CSMD3: variants seen among roughly 807,000 people sequenced by gnomAD.
CSMD3 encodes CUB and Sushi multiple domains 3.
In CSMD3, 177 loss-of-function variants were observed where a neutral mutation model predicts 435.2. The ratio of observed to expected loss-of-function variants is 0.41; its 90% CI spans 0.36 to 0.46. The LOEUF (loss-of-function observed/expected upper bound fraction) is 0.46. CSMD3 is among the 20% of genes least tolerant of loss of function. CSMD3 has a pLI of 0.34. For synonymous variants in CSMD3, 1,656 were observed against 1,520.5 expected, an observed-to-expected ratio of 1.09 and a Z score of -2.07; for missense variants, 4,265 against 4,504.6, an observed-to-expected ratio of 0.95 and a Z score of 1.52.
At chr8:112,705,200 T>A (rs992622871) in intron 13 of CSMD3, among the ~76,000 whole-genome samples, 1 of 152,042 alleles carries the variant, frequency 6.6e-6, no homozygotes, top group African/African-American at 2.4e-5. Flanking sequence ...CTCTTCTCTT[T>A]TACCTAAAAA....
intron 8 of CSMD3, among the ~76,000 whole-genome samples, chr8:112,952,949 AATAATAT>A (rs2083878938): frequency 6.6e-6 from 1 of 151,426 alleles, no homozygotes; most frequent in Non-Finnish European, 1.5e-5. Flanking sequence ...GAAAAGTGGA[AATAATAT>A]ATATTTCCAC....
chr8:112,429,076 T>C (rs755991701), intron 32 of CSMD3, among the ~76,000 whole-genome samples: 10 of 152,122 alleles, frequency 6.6e-5, no homozygotes, highest in Non-Finnish European at 1.2e-4. Flanking sequence ...CTCAGAATTT[T>C]TTCAAGAATC....
chr8:113,301,868 A>G (rs2093771272), intron 2 of CSMD3, among the ~76,000 whole-genome samples: 1 of 151,996 alleles, frequency 6.6e-6, no homozygotes, highest in Non-Finnish European at 1.5e-5. Flanking sequence ...TATCCTTCAG[A>G]TGTATGTCAC....
At chr8:112,733,691 T>C (rs549431737) in intron 13 of CSMD3, among the ~76,000 whole-genome samples, 9 of 152,136 alleles carry the variant, frequency 5.9e-5, no homozygotes, top group East Asian at 1.9e-4. Context: ...TTAGTCAATA[T>C]GATAATGCAA....
chr8:112,313,953 G>T lies in CSMD3; in HGVS notation c.7649C>A (p.Ser2550Ter). 1 of 1,611,932 alleles carries T rather than the reference G, an allele frequency of 6.2e-7. No homozygotes were observed. The highest frequency in any genetic ancestry group is 1.1e-5 in the South Asian group (1 of 91,020). The change falls in exon 49 of 71, where the codon TCA becomes TAA. Residue 2550 changes from serine to a stop codon, truncating the protein, a stop_gained. Transcript: ENST00000297405. LOFTEE classifies it high-confidence loss of function. Reference sequence around the variant, plus strand: ...TTTTTTGTTATTGCCATGATCTGCTGACCACTGAAGAAATACTTCATGACC... The same window carrying T: ...TTTTTTGTTATTGCCATGATCTGCTTACCACTGAAGAAATACTTCATGACC... Reference protein sequence around the residue: ...SNGHEVFLQWSADHGNNKKGF... With the variant: ...SNGHEVFLQW
chr8:112,536,918 A>G (rs1288877535), intron 27 of CSMD3, among the ~76,000 whole-genome samples: 1 of 151,964 alleles, frequency 6.6e-6, no homozygotes, highest in African/African-American at 2.4e-5. Context: ...CTATTGCAAG[A>G]ACAAAAAACC....
At chr8:112,944,267 T>C (rs1023413063) in intron 9 of CSMD3, among the ~76,000 whole-genome samples, 7 of 151,704 alleles carry the variant, frequency 4.6e-5, no homozygotes, top group African/African-American at 1.7e-4. Context: ...TCACAAAATA[T>C]GTAGGCCTAG....
intron 22 of CSMD3, among the ~76,000 whole-genome samples, chr8:112,594,633 A>G (rs1056336710): frequency 6.6e-6 from 1 of 152,180 alleles, no homozygotes; most frequent in African/African-American, 2.4e-5. Context: ...CTTTGAAGAG[A>G]GTAGTGGTTC....
At chr8:112,808,903 C>T (rs1482992366) in intron 12 of CSMD3, among the ~76,000 whole-genome samples, 1 of 152,004 alleles carries the variant, frequency 6.6e-6, no homozygotes, top group Non-Finnish European at 1.5e-5. Flanking sequence ...TCGGTTACAA[C>T]ATTATTATCA....
chr8:112,794,285 C>CTTTTTTTTTTTTTT lies in CSMD3; in HGVS notation c.1972+5863_1972+5876dup, dbSNP rs1203991072. On this transcript the variant is annotated intron_variant, in intron 13 of 70. Transcript: ENST00000297405. ...TTGCCCCAGATGCTGGACTGATAAA[C>CTTTTTTTTTTTTTT]TTTTTTTTTTTTTTTTTTTTTTTTT... Among the ~76,000 whole-genome samples the CTTTTTTTTTTTTTT allele has an allele frequency of 4.2e-5, 4 of 96,302 alleles. 1 individual carries two copies. The highest frequency in any genetic ancestry group is 7.8e-5 in the African/African-American group (2 of 25,776). 63.2% of individuals were successfully genotyped at this position (96,302 alleles called of 152,430 possible).
At chr8:112,590,609 T>G (rs1396631839) in intron 22 of CSMD3, among the ~76,000 whole-genome samples, 1 of 152,042 alleles carries the variant, frequency 6.6e-6, no homozygotes, top group Admixed American at 6.6e-5. Flanking sequence ...AATGGAGAAG[T>G]CATTAGGTGT....
chr8:112,924,013 G>A (rs931924995), intron 9 of CSMD3, among the ~76,000 whole-genome samples: 30 of 143,148 alleles, frequency 2.1e-4, no homozygotes, highest in African/African-American at 7.3e-4. Flanking sequence ...AATGTGATTG[G>A]AGCACAGAAA....
chr8:112,494,646 C>G (rs1428462579), intron 30 of CSMD3, among the ~76,000 whole-genome samples: 1 of 151,540 alleles, frequency 6.6e-6, no homozygotes, highest in Non-Finnish European at 1.5e-5. Flanking sequence ...AGTGGACAAT[C>G]AGAAAATGTT....
At chr8:113,158,373 A>G (rs1278059343) in intron 4 of CSMD3, among the ~76,000 whole-genome samples, 1 of 152,106 alleles carries the variant, frequency 6.6e-6, no homozygotes, top group African/African-American at 2.4e-5. Context: ...TTCATGAAGT[A>G]CATGTATCAT....
chr8:113,166,350 C>T (rs767942057), intron 4 of CSMD3, among the ~76,000 whole-genome samples: 1 of 151,936 alleles, frequency 6.6e-6, no homozygotes, highest in Non-Finnish European at 1.5e-5. Context: ...ACTAAAAATA[C>T]AACAATTAGC....
chr8:112,560,583 C>A (rs1311751532), intron 24 of CSMD3, among the ~76,000 whole-genome samples: 15 of 151,576 alleles, frequency 9.9e-5, no homozygotes, highest in Admixed American at 9.9e-4. Flanking sequence ...TTTATGATAA[C>A]CCCATTTGGG....
chr8:112,980,455 T>C (rs1002735557), intron 6 of CSMD3, among the ~76,000 whole-genome samples: 4 of 151,400 alleles, frequency 2.6e-5, no homozygotes, highest in Non-Finnish European at 5.9e-5. Flanking sequence ...TTTTGTGACA[T>C]TGTGATATGT....
At chr8:113,283,691 A>C (rs746298272) in intron 2 of CSMD3, among the ~76,000 whole-genome samples, 1 of 152,148 alleles carries the variant, frequency 6.6e-6, no homozygotes, top group Non-Finnish European at 1.5e-5. Flanking sequence ...AAGAACTGAA[A>C]GTAGAACTGC....
At chr8:113,146,782 T>A (rs1209429013) in intron 4 of CSMD3, among the ~76,000 whole-genome samples, 3 of 151,628 alleles carry the variant, frequency 2.0e-5, no homozygotes, top group Non-Finnish European at 3.0e-5. Context: ...TTTTTGGTAA[T>A]ATGAAAATCT....
Sources: gnomAD v4.1 joint callset for allele counts (sites outside exome capture counted in the v4.1 genomes callset) on GRCh38, gnomAD v4.1.1 for gene constraint, MANE v1.5 for transcripts, NCBI Gene and HGNC (gene_info 2026-07-23, HGNC 2026-07-21) for gene names.